TMEM123: variants seen among roughly 807,000 people sequenced by gnomAD.
The protein encoded by TMEM123 is porimin.
Under a neutral mutation model 19.7 loss-of-function variants are expected in TMEM123, and 16 were observed. The observed-to-expected ratio is 0.81, with a 90% CI of 0.55 to 1.23. TMEM123 has a LOEUF of 1.23. Among genes scored for constraint, TMEM123 ranks in the 50% most tolerant of loss-of-function variants. The pLI, the probability that TMEM123 is intolerant of heterozygous loss-of-function variation, is 0.00. For synonymous variants in TMEM123, 118 were observed against 99.4 expected (o/e 1.19, Z -1.12); for missense variants, 313 against 257.8 (o/e 1.21, Z -1.47).
Position 102,398,122 on chromosome 11 carries a change from TAAA to T in TMEM123, c.*742_*744del. 6.5e-6 allele frequency: 1 copy of T among 153,166 alleles called. No homozygotes were observed. Among genetic ancestry groups the T allele is most frequent in the East Asian group, 1.9e-4 (1 of 5,206 alleles). The allele number at this position is 153,166 out of a possible 1,614,324, so 9.5% of individuals were successfully genotyped here. On this transcript the variant is annotated 3_prime_UTR_variant, in exon 5 of 5. Coordinates refer to ENST00000398136, the MANE Select transcript of TMEM123 (RefSeq NM_052932.3). ...TATTTAATACTGACAACTAAGTCTTTAAAACATTATTATGTTAAACACTGCAGT... is the reference window on the plus strand; with the variant it reads ...TATTTAATACTGACAACTAAGTCTTTACATTATTATGTTAAACACTGCAGT...
intron 2 of TMEM123, among the ~76,000 whole-genome samples, chr11:102,409,876 C>T (rs1951988742): frequency 6.8e-6 from 1 of 146,648 alleles, no homozygotes; most frequent in Non-Finnish European, 1.5e-5. Context: ...AACAAACAAA[C>T]AAACTAGATA....
intron 2 of TMEM123, among the ~76,000 whole-genome samples, chr11:102,436,353 A>G (rs976685074): frequency 6.6e-6 from 1 of 151,650 alleles, no homozygotes; most frequent in African/African-American, 2.4e-5. Flanking sequence ...AGTAGAGACA[A>G]GGTTTTGCCA....
chr11:102,430,024 T>A (rs548118228), intron 2 of TMEM123, among the ~76,000 whole-genome samples: 1 of 152,310 alleles, frequency 6.6e-6, no homozygotes, highest in Non-Finnish European at 1.5e-5. Flanking sequence ...ATCTTCCAAA[T>A]TGCTCTGTCC....
At chr11:102,415,164 C>A (rs1952034403) in intron 2 of TMEM123, among the ~76,000 whole-genome samples, 1 of 152,176 alleles carries the variant, frequency 6.6e-6, no homozygotes, top group African/African-American at 2.4e-5. Flanking sequence ...ATACACTCAA[C>A]ACTGGAGAAC....
chr11:102,413,531 G>A (rs765975455), intron 2 of TMEM123, among the ~76,000 whole-genome samples: 20 of 152,130 alleles, frequency 1.3e-4, no homozygotes, highest in African/African-American at 3.1e-4. Flanking sequence ...CCTCCAGCAC[G>A]GCAGGTGCTT....
At chr11:102,410,453 G>A (rs1302586527) in intron 2 of TMEM123, among the ~76,000 whole-genome samples, 1 of 150,220 alleles carries the variant, frequency 6.7e-6, no homozygotes, top group Non-Finnish European at 1.5e-5. Context: ...TTTCCCATAG[G>A]TCTTGCCCAT....
chr11:102,406,415 C>G (rs1407175815), intron 2 of TMEM123, among the ~76,000 whole-genome samples: 2 of 152,106 alleles, frequency 1.3e-5, no homozygotes, highest in Non-Finnish European at 2.9e-5. Context: ...TGATTCAAGC[C>G]TTAACAAACA....
Position 102,408,980 on chromosome 11 carries a change from ATAACT to A in TMEM123, c.158-6779_158-6775del, listed in dbSNP as rs959677153. Reference sequence around the variant, plus strand: ...TTCCGACTATCTCTGCTGTGTTGAAATAACTTAACCTTATTCCTATAACCTTGAGT... The same window carrying A: ...TTCCGACTATCTCTGCTGTGTTGAAATAACCTTATTCCTATAACCTTGAGT... On this transcript the variant is annotated intron_variant, in intron 2 of 4. Coordinates refer to ENST00000398136, the MANE Select transcript of TMEM123 (RefSeq NM_052932.3). Among the ~76,000 whole-genome samples, 7 of 152,320 alleles carry A rather than the reference ATAACT, an allele frequency of 4.6e-5. No individual in the cohort carries two copies. The East Asian group carries it at 9.6e-4, about 21-fold the overall frequency.
intron 2 of TMEM123, among the ~76,000 whole-genome samples, chr11:102,405,492 T>C (rs956445430): frequency 1.3e-5 from 2 of 152,250 alleles, no homozygotes; most frequent in Admixed American, 1.3e-4. Flanking sequence ...CAAGTCTGAA[T>C]GTTCTATAGA....
At chr11:102,412,176 T>C (rs996081497) in intron 2 of TMEM123, among the ~76,000 whole-genome samples, 1 of 152,178 alleles carries the variant, frequency 6.6e-6, no homozygotes, top group African/African-American at 2.4e-5. Context: ...ATGCCTGTAA[T>C]CCCAGCACTT....
chr11:102,399,254 G>C (rs1339408935), intron 4 of TMEM123, among the ~76,000 whole-genome samples: 2 of 152,156 alleles, frequency 1.3e-5, no homozygotes, highest in Non-Finnish European at 2.9e-5. Flanking sequence ...GACCAGCCTG[G>C]GCAAAACAGT....
intron 2 of TMEM123, among the ~76,000 whole-genome samples, chr11:102,427,447 CTTT>C (rs754431473): frequency 0.014 from 1,693 of 122,586 alleles, 37 homozygotes; most frequent in African/African-American, 0.048. Flanking sequence ...GGTATAAATT[CTTT>C]TTTTTTTTTT....
intron 2 of TMEM123, among the ~76,000 whole-genome samples, chr11:102,426,910 G>A (rs1191407837): frequency 8.4e-6 from 1 of 119,150 alleles, no homozygotes; most frequent in African/African-American, 3.4e-5. Flanking sequence ...CTATTCAGTT[G>A]ATAAAAAGTT....
chr11:102,414,120 C>A (rs1189928986), intron 2 of TMEM123, among the ~76,000 whole-genome samples: 1 of 152,106 alleles, frequency 6.6e-6, no homozygotes, highest in Non-Finnish European at 1.5e-5. Context: ...AAGACTAGTT[C>A]TTTCAATCAA....
chr11:102,442,447 A>G (rs1857837158), intron 2 of TMEM123, among the ~76,000 whole-genome samples: 1 of 152,202 alleles, frequency 6.6e-6, no homozygotes, highest in Non-Finnish European at 1.5e-5. Flanking sequence ...GACAAAAACC[A>G]CATGATAATC....
intron 2 of TMEM123, among the ~76,000 whole-genome samples, chr11:102,415,819 C>CA (rs1952040112): frequency 6.6e-6 from 1 of 151,992 alleles, no homozygotes; most frequent in South Asian, 2.1e-4. Flanking sequence ...AAGAAATAAC[C>CA]AAAATCAGAG....
chr11:102,419,425 AC>A (rs1219956580), intron 2 of TMEM123, among the ~76,000 whole-genome samples: 1 of 152,232 alleles, frequency 6.6e-6, no homozygotes, highest in African/African-American at 2.4e-5. Flanking sequence ...AGGTTCCTTC[AC>A]AAACCTCCAG....
At chr11:102,422,781 T>A (rs1952097515) in intron 2 of TMEM123, among the ~76,000 whole-genome samples, 1 of 152,260 alleles carries the variant, frequency 6.6e-6, no homozygotes, top group African/African-American at 2.4e-5. Context: ...CATGTTGACA[T>A]CTTTAGCTCT....
chr11:102,399,602 A>C (rs1951892215), intron 4 of TMEM123, among the ~76,000 whole-genome samples: 1 of 152,250 alleles, frequency 6.6e-6, no homozygotes. Context: ...GTCTGATCTC[A>C]TGTGATCATG....
Sources: gnomAD v4.1 joint callset for allele counts (sites outside exome capture counted in the v4.1 genomes callset) on GRCh38, gnomAD v4.1.1 for gene constraint, MANE v1.5 for transcripts, NCBI Gene and HGNC (gene_info 2026-07-23, HGNC 2026-07-21) for gene names.